The following CSNK1A1 variants were observed in gnomAD, a reference collection of about 807,000 sequenced individuals.
CSNK1A1 encodes casein kinase 1 alpha 1.
A neutral mutation model predicts 46.1 loss-of-function variants in CSNK1A1; 7 were observed. The observed-to-expected ratio is 0.15, with a 90% confidence interval of 0.09 to 0.29. The LOEUF is 0.29. Ranked by LOEUF, CSNK1A1 falls within the 10% of genes least tolerant of loss-of-function variation. CSNK1A1 has a pLI of 1.00. For synonymous variants in CSNK1A1, 137 were observed against 141.5 expected (o/e 0.97, Z 0.23); for missense variants, 96 against 417.1 (o/e 0.23, Z 6.71).
At chr5:149,501,048 A>T in intron 9 of CSNK1A1, 1 of 985,324 alleles carries the variant, frequency 1.0e-6, no homozygotes, top group Non-Finnish European at 1.2e-6. Flanking sequence ...CAGCTGGTAG[A>T]TGGTCTGCAT....
Position 149,550,881 on chromosome 5 carries a change from G to A in CSNK1A1, c.84C>T (p.Phe28=), listed in dbSNP as rs772973164. The part of the protein sequence containing the change: ...KLVRKIGSGS[F]GDIYLAINIT... ...TGTTGATCGCCAAATAGATGTCCCC[G>A]AAGGAGCCAGACCCGATCTTCCGTA... Residue 28 remains phenylalanine, a synonymous_variant, in exon 1 of 10, where the codon TTC becomes TTT. Transcript: ENST00000377843. The surrounding 1 kb of genome is among the most constrained non-coding windows in gnomAD (Gnocchi z 4.3). 1.2e-6 allele frequency: 2 copies of A among 1,614,024 alleles called. No individual in the cohort carries two copies. Among genetic ancestry groups the A allele is most frequent in the Admixed American group, 1.7e-5 (1 of 59,994 alleles).
intron 3 of CSNK1A1, among the ~76,000 whole-genome samples, chr5:149,521,345 C>A (rs1761562870): frequency 1.3e-5 from 2 of 150,436 alleles, no homozygotes; most frequent in South Asian, 4.2e-4. Flanking sequence ...CCATAACTCA[C>A]TGCTGCCTCA....
At chr5:149,498,167 C>T in intron 9 of CSNK1A1, 1 of 985,344 alleles carries the variant, frequency 1.0e-6, no homozygotes, top group Non-Finnish European at 1.2e-6. Context: ...GGCCATCTCC[C>T]ATGGGCTTTG....
chr5:149,510,766 C>T (rs896629767), intron 6 of CSNK1A1, among the ~76,000 whole-genome samples: 9 of 152,092 alleles, frequency 5.9e-5, no homozygotes, highest in Non-Finnish European at 8.8e-5. Context: ...AGGCATGAGC[C>T]ACCATGCTCA....
At chr5:149,538,351 G>A (rs1220303211) in intron 2 of CSNK1A1, among the ~76,000 whole-genome samples, 1 of 152,100 alleles carries the variant, frequency 6.6e-6, no homozygotes, top group Admixed American at 6.6e-5. Context: ...GACTGGCACA[G>A]GGTAGGTACC....
In CSNK1A1 at chr5:149,495,478, A is replaced by T. The variant is rs1760626069; in HGVS notation, c.*1375T>A. ...TGAGCGTGCAAAGAAGATTGAGAGG[A>T]AGCGCACGCACACAGATAACTTAAA... On this transcript the variant is annotated 3_prime_UTR_variant, in exon 10 of 10. Coordinates refer to ENST00000377843, the MANE Select transcript of CSNK1A1 (RefSeq NM_001892.6). The T allele has an allele frequency of 6.6e-6, 1 of 152,178 alleles. No homozygotes were observed. Among genetic ancestry groups the T allele is most frequent in the Non-Finnish European group, 1.5e-5 (1 of 68,036 alleles). The allele number at this position is 152,178 out of a possible 1,614,324, so 9.4% of individuals were successfully genotyped here.
intron 2 of CSNK1A1, among the ~76,000 whole-genome samples, chr5:149,528,554 C>T (rs188083036): frequency 1.2e-4 from 18 of 152,290 alleles, no homozygotes; most frequent in African/African-American, 4.1e-4. Flanking sequence ...TCCAATCTTA[C>T]TTATTCTTAG....
chr5:149,532,229 CTATAATTTTGATG>C (rs1761924772), intron 2 of CSNK1A1, among the ~76,000 whole-genome samples: 1 of 152,126 alleles, frequency 6.6e-6, no homozygotes, highest in East Asian at 1.9e-4. Flanking sequence ...CTAATAAATG[CTATAATTTTGATG>C]TAGTAATGAG....
At position 149,550,197 on chromosome 5, in the gene CSNK1A1, G is replaced by C; in HGVS notation, c.124-16C>G. The C allele has an allele frequency of 6.2e-7, 1 of 1,612,002 alleles. No individual in the cohort carries two copies. The highest frequency in any genetic ancestry group is 8.5e-7 in the Non-Finnish European group (1 of 1,178,940). The stretch of plus-strand genomic sequence containing the variant: ...CTGCCACTTCCTGCAGGGGAAAGAG[G>C]GGATGATGGCATCAACATCCCTACG... On this transcript the variant is annotated splice_polypyrimidine_tract_variant and intron_variant, in intron 1 of 9. Coordinates refer to ENST00000377843, the MANE Select transcript of CSNK1A1 (RefSeq NM_001892.6). This position sits in a 1 kb window ranked among gnomAD's most constrained non-coding sequence, Gnocchi z 4.3.
intron 8 of CSNK1A1, 121 bp from the exon 9 acceptor site, chr5:149,505,716 C>A: frequency 1.3e-6 from 1 of 778,392 alleles, no homozygotes; most frequent in Non-Finnish European, 2.0e-6. Context: ...TCAAGTGTGG[C>A]AGCTTCTAAA....
At chr5:149,524,722 C>T (rs2113125976) in intron 3 of CSNK1A1, among the ~76,000 whole-genome samples, 1 of 152,226 alleles carries the variant, frequency 6.6e-6, no homozygotes, top group East Asian at 1.9e-4. Flanking sequence ...TGTCAATAAA[C>T]ATTTATCAAC....
At position 149,536,249 on chromosome 5, in the gene CSNK1A1, A is replaced by G. The variant is rs111657432; in HGVS notation, c.231-11078T>C. ...ATTACAGGAGTGAGCCACCGTGCCC[A>G]GCCTCAAATGGTTTTCTTTAGGGTA... On this transcript the variant is annotated intron_variant, in intron 2 of 9. Transcript: ENST00000377843. Among the ~76,000 whole-genome samples the G allele has an allele frequency of 8.1e-4, 123 of 152,224 alleles. 2 individuals carry two copies. Among genetic ancestry groups the G allele is most frequent in the African/African-American group, 2.7e-3 (114 of 41,554 alleles).
Position 149,517,736 on chromosome 5 carries a change from T to TA in CSNK1A1, c.456+2553dup. ...AACAAAAATCATCAAAATAAAACAA[T>TA]AAAAAAGAAAAGCACATGAATTTGG... is the stretch of plus-strand genomic sequence containing the variant. On this transcript the variant is annotated intron_variant, in intron 4 of 9. Coordinates refer to ENST00000377843, the MANE Select transcript of CSNK1A1 (RefSeq NM_001892.6). This position sits in a 1 kb window ranked among gnomAD's most constrained non-coding sequence, Gnocchi z 4.4. 5.4e-6 allele frequency: 6 copies of TA among 1,109,570 alleles called. No individual in the cohort carries two copies. The highest frequency in any genetic ancestry group is 8.0e-6 in the Non-Finnish European group (6 of 753,318). The allele number at this position is 1,109,570 out of a possible 1,614,324, so 68.7% of individuals were successfully genotyped here. A position where few individuals can be genotyped will look rare whatever the true frequency, so the allele number is the denominator to read the frequency against.
Position 149,550,818 on chromosome 5 carries a change from G to A in CSNK1A1, c.123+24C>T, listed in dbSNP as rs1272236747. On this transcript the variant is annotated intron_variant, in intron 1 of 9. Transcript: ENST00000377843. This position sits in a 1 kb window ranked among gnomAD's most constrained non-coding sequence, Gnocchi z 4.3. ...GAATGAGTAAAAGCGCAGCGTTATC[G>A]TGAACCCCACCCCAGATGATTACCT... 2 of 1,613,782 alleles carry A rather than the reference G, an allele frequency of 1.2e-6. No individual in the cohort carries two copies. The highest frequency in any genetic ancestry group is 2.2e-5 in the East Asian group (1 of 44,870).
At chr5:149,501,860 G>C (rs1369492642) in intron 9 of CSNK1A1, 4 of 972,992 alleles carry the variant, frequency 4.1e-6, no homozygotes, top group East Asian at 1.1e-4. Context: ...TATAGTCAAA[G>C]GGAGTGAAAT....
chr5:149,547,182 C>T (rs1242700178), intron 2 of CSNK1A1, among the ~76,000 whole-genome samples: 1 of 152,140 alleles, frequency 6.6e-6, no homozygotes, highest in African/African-American at 2.4e-5. Context: ...TCCTGAAATC[C>T]CATCTCTCAG....
chr5:149,520,586 C>T (rs1761536972), intron 3 of CSNK1A1, among the ~76,000 whole-genome samples, 198 bp from the exon 4 acceptor site: 1 of 152,166 alleles, frequency 6.6e-6, no homozygotes, highest in South Asian at 2.1e-4. Context: ...TGTCCTTTGG[C>T]TTTACCTTCT....
Position 149,550,194 on chromosome 5 carries a change from G to A in CSNK1A1, c.124-13C>T. On this transcript the variant is annotated splice_polypyrimidine_tract_variant and intron_variant, in intron 1 of 9. Transcript: ENST00000377843. The surrounding 1 kb of genome is among the most constrained non-coding windows in gnomAD (Gnocchi z 4.3). Reference sequence around the variant, plus strand: ...TCACTGCCACTTCCTGCAGGGGAAAGAGGGGATGATGGCATCAACATCCCT... The same window carrying A: ...TCACTGCCACTTCCTGCAGGGGAAAAAGGGGATGATGGCATCAACATCCCT... 8.1e-6 allele frequency: 13 copies of A among 1,612,758 alleles called. No homozygotes were observed. The highest frequency in any genetic ancestry group is 1.0e-5 in the Non-Finnish European group (12 of 1,179,284).
At chr5:149,539,443 G>C (rs918152965) in intron 2 of CSNK1A1, among the ~76,000 whole-genome samples, 1 of 149,498 alleles carries the variant, frequency 6.7e-6, no homozygotes, top group African/African-American at 2.5e-5. Flanking sequence ...TCCAGGCCTA[G>C]GCGGCCGAGC....
Sources: gnomAD v4.1 joint callset for allele counts (sites outside exome capture counted in the v4.1 genomes callset) on GRCh38, gnomAD v4.1.1 for gene constraint, Gnocchi (gnomAD v3.1) non-coding constraint, MANE v1.5 for transcripts, NCBI Gene and HGNC (gene_info 2026-07-23, HGNC 2026-07-21) for gene names.